The following NLGN1 variants were observed in gnomAD, a reference collection of about 807,000 sequenced individuals.
NLGN1 encodes the protein neuroligin-1.
Under a neutral mutation model 65.5 loss-of-function variants are expected in NLGN1, and 12 were observed. That is an observed-to-expected ratio of 0.18 (90% CI 0.12 to 0.30). NLGN1 has a LOEUF of 0.30. Ranked by LOEUF, NLGN1 falls within the 10% of genes least tolerant of loss-of-function variation. NLGN1 has a pLI of 1.00. For missense variants in NLGN1, 750 were observed against 1,007.1 expected, an observed-to-expected ratio of 0.74 and a Z score of 3.46; for synonymous variants, 350 against 359.5, an observed-to-expected ratio of 0.97 and a Z score of 0.30.
intron 4 of NLGN1, among the ~76,000 whole-genome samples, chr3:173,935,451 C>G (rs1744868490): frequency 6.6e-6 from 1 of 151,690 alleles, no homozygotes; most frequent in African/African-American, 2.4e-5. Flanking sequence ...TTTTACTGCC[C>G]TGCATGTCAG....
At chr3:173,511,741 CA>C (rs1733012877) in intron 2 of NLGN1, among the ~76,000 whole-genome samples, 1 of 151,924 alleles carries the variant, frequency 6.6e-6, no homozygotes, top group East Asian at 1.9e-4. Flanking sequence ...TTTTTTTCCT[CA>C]GCTGTGTCCA....
intron 3 of NLGN1, among the ~76,000 whole-genome samples, chr3:173,679,367 G>A (rs181730312): frequency 8.5e-5 from 13 of 152,150 alleles, no homozygotes; most frequent in Admixed American, 6.5e-4. Flanking sequence ...CTGAAATAGC[G>A]TAAAGATTTT....
intron 3 of NLGN1, among the ~76,000 whole-genome samples, chr3:173,780,350 TA>T (rs1389767396): frequency 6.6e-6 from 1 of 152,240 alleles, no homozygotes; most frequent in African/African-American, 2.4e-5. Context: ...AGTGGGGTCA[TA>T]AATGTGTTAA....
intron 4 of NLGN1, among the ~76,000 whole-genome samples, chr3:174,272,231 A>G (rs188581764): frequency 6.3e-4 from 95 of 151,860 alleles, no homozygotes; most frequent in African/African-American, 2.0e-3. Flanking sequence ...ACTATAGTTG[A>G]GCACTTCAAT....
At chr3:173,478,374 G>A (rs888623109) in intron 2 of NLGN1, among the ~76,000 whole-genome samples, 9 of 152,080 alleles carry the variant, frequency 5.9e-5, no homozygotes, top group African/African-American at 9.7e-5. Flanking sequence ...AACACAAGGA[G>A]GGGAACAACA....
chr3:174,039,484 T>TTTCC (rs1295305925), intron 4 of NLGN1, among the ~76,000 whole-genome samples: 1 of 152,120 alleles, frequency 6.6e-6, no homozygotes, highest in Non-Finnish European at 1.5e-5. Flanking sequence ...CCATGTGTTC[T>TTTCC]AAGTCCTCTA....
intron 2 of NLGN1, among the ~76,000 whole-genome samples, chr3:173,523,658 C>A (rs1735144562): frequency 6.6e-6 from 1 of 151,522 alleles, no homozygotes; most frequent in Non-Finnish European, 1.5e-5. Flanking sequence ...GTTACTATAG[C>A]CTTATACTAT....
intron 4 of NLGN1, among the ~76,000 whole-genome samples, chr3:174,015,067 T>G (rs1337002727): frequency 6.6e-6 from 1 of 152,192 alleles, no homozygotes; most frequent in East Asian, 1.9e-4. Flanking sequence ...CTTATTTACC[T>G]TGTCTCAAAG....
intron 4 of NLGN1, among the ~76,000 whole-genome samples, chr3:173,917,829 T>C (rs1741039628): frequency 7.6e-6 from 1 of 132,202 alleles, no homozygotes; most frequent in South Asian, 2.2e-4. Context: ...CTGAAATTCT[T>C]ACAAAGCAAC....
At chr3:173,831,117 T>A (rs980273547) in intron 4 of NLGN1, among the ~76,000 whole-genome samples, 5 of 152,198 alleles carry the variant, frequency 3.3e-5, no homozygotes, top group Non-Finnish European at 7.3e-5. Flanking sequence ...AATGACAGGA[T>A]GTCATTCTAT....
intron 4 of NLGN1, among the ~76,000 whole-genome samples, chr3:173,890,253 G>T (rs73035438): frequency 0.017 from 2,555 of 152,172 alleles, 70 homozygotes; most frequent in African/African-American, 0.058. Flanking sequence ...TAATAATTCT[G>T]ACTCTCATTT....
At chr3:173,551,863 T>C (rs1475658478) in intron 2 of NLGN1, among the ~76,000 whole-genome samples, 1 of 152,236 alleles carries the variant, frequency 6.6e-6, no homozygotes, top group East Asian at 1.9e-4. Flanking sequence ...TAAGCCTGGC[T>C]GACACCAAAA....
Position 174,037,792 on chromosome 3 carries a change from C to T in NLGN1, c.646+229960C>T, listed in dbSNP as rs73184600. On this transcript the variant is annotated intron_variant, in intron 4 of 6. Transcript: ENST00000457714. ...ACACATGGAAAGAGAAATTAAAGAG[C>T]CTTAGATGAAGGTTAAGGCAGTGGC... Among the ~76,000 whole-genome samples the T allele has an allele frequency of 8.0e-3, 1,219 of 152,158 alleles. 12 individuals are homozygous for T. The highest frequency in any genetic ancestry group is 0.01 in the Non-Finnish European group (689 of 67,980).
In NLGN1 at chr3:174,239,465, G is replaced by T. The variant is rs6804063; in HGVS notation, c.647-35850G>T. ...TCATCTAGAATTTATGCAAGAGAAG[G>T]TCCTGTTAGTAGGGGTTAAACATTT... On this transcript the variant is annotated intron_variant, in intron 4 of 6. Transcript: ENST00000457714. Among the ~76,000 whole-genome samples the T allele has an allele frequency of 3.2e-3, 484 of 152,262 alleles. 2 individuals are homozygous for T. Among genetic ancestry groups the T allele is most frequent in the African/African-American group, 0.011 (459 of 41,548 alleles).
intron 4 of NLGN1, among the ~76,000 whole-genome samples, chr3:173,942,209 A>G (rs1477980471): frequency 3.3e-5 from 5 of 151,974 alleles, no homozygotes; most frequent in Admixed American, 2.0e-4. Flanking sequence ...ATATATACAT[A>G]CATAGTGAAG....
rs182620705 is a variant in NLGN1, at chr3:174,274,072, A to G, written c.647-1243A>G. ...TATGTTGAATTTCTATAAGTCTCCA[A>G]TAAGAGAGAATGAATTTTTAAAAAT... On this transcript the variant is annotated intron_variant, in intron 4 of 6. Coordinates refer to ENST00000457714, the Ensembl canonical transcript of NLGN1. Among the ~76,000 whole-genome samples, 589 of 151,100 alleles carry G rather than the reference A, an allele frequency of 3.9e-3. 5 individuals carry two copies. The highest frequency in any genetic ancestry group is 0.014 in the African/African-American group (564 of 40,868).
intron 4 of NLGN1, among the ~76,000 whole-genome samples, chr3:173,941,165 A>T (rs893719720): frequency 6.6e-6 from 1 of 152,074 alleles, no homozygotes; most frequent in Non-Finnish European, 1.5e-5. Flanking sequence ...TGCTCCAATT[A>T]TCCGAAGATC....
intron 3 of NLGN1, among the ~76,000 whole-genome samples, chr3:173,642,878 T>G (rs1757630617): frequency 6.6e-6 from 1 of 152,192 alleles, no homozygotes; most frequent in Non-Finnish European, 1.5e-5. Flanking sequence ...CTAAGTCAAC[T>G]GACACTGTAC....
chr3:173,752,487 A>C (rs577687801), intron 3 of NLGN1, among the ~76,000 whole-genome samples: 1 of 152,002 alleles, frequency 6.6e-6, no homozygotes, highest in African/African-American at 2.4e-5. Flanking sequence ...ATATTCTTCA[A>C]TCCAACCCAG....
Sources: allele counts gnomAD v4.1 joint callset (sites outside exome capture counted in the v4.1 genomes callset), GRCh38; gene constraint gnomAD v4.1.1; transcripts MANE v1.5; gene names NCBI Gene and HGNC (gene_info 2026-07-23, HGNC 2026-07-21).